POLH: variants seen among roughly 807,000 people sequenced by gnomAD.
POLH encodes DNA polymerase eta transcript.
In POLH, 53 loss-of-function variants were observed where a neutral mutation model predicts 73.6. That is an observed-to-expected ratio of 0.72 (90% CI 0.58 to 0.91). The LOEUF is 0.91. Ranked by LOEUF, POLH falls within the 40% of genes least tolerant of loss-of-function variation. The pLI, the probability that POLH is intolerant of heterozygous loss-of-function variation, is 0.00. For missense variants in POLH, 768 were observed against 865.4 expected, an observed-to-expected ratio of 0.89 and a Z score of 1.41; for synonymous variants, 292 against 308.5, an observed-to-expected ratio of 0.95 and a Z score of 0.56.
At chr6:43,582,213 C>T (rs1160948853) in intron 1 of POLH, 103 bp from the exon 2 acceptor site, 10 of 1,055,662 alleles carry the variant, frequency 9.5e-6, no homozygotes, top group Non-Finnish European at 1.3e-5. Context: ...TTTCCATGCT[C>T]CCATGCTCAT....
In POLH at chr6:43,613,964, T is replaced by C; in HGVS notation, c.1549T>C (p.Ser517Pro). ...APMSNSPSKPSLPFQTSQSTG... is the reference protein window; with the variant it reads ...APMSNSPSKPPLPFQTSQSTG... The stretch of plus-strand genomic sequence containing the variant: ...CATGAGCAATTCACCATCCAAGCCC[T>C]CATTACCTTTTCAAACCAGTCAAAG... Residue 517 changes from serine (S) to proline (P), a missense_variant, in exon 11 of 11, where the codon TCA becomes CCA. By Grantham distance (74) the Ser-to-Pro change is moderately conservative (BLOSUM62 -1). Coordinates refer to ENST00000372236, the MANE Select transcript of POLH (RefSeq NM_006502.3). 6.2e-7 allele frequency: 1 copy of C among 1,614,056 alleles called. No individual in the cohort carries two copies. Among genetic ancestry groups the C allele is most frequent in the Non-Finnish European group, 8.5e-7 (1 of 1,180,034 alleles).
chr6:43,583,783 T>C (rs749126402), intron 3 of POLH, among the ~76,000 whole-genome samples: 6 of 152,212 alleles, frequency 3.9e-5, no homozygotes, highest in Non-Finnish European at 8.8e-5. Flanking sequence ...AGGTAGGTAC[T>C]AATATTACTC....
intron 8 of POLH, 125 bp downstream of exon 8, chr6:43,604,863 T>C (rs1295797930): frequency 2.0e-6 from 2 of 984,164 alleles, no homozygotes; most frequent in Non-Finnish European, 3.2e-6. Context: ...ACAGATGTTC[T>C]GTCCTTGGGT....
chr6:43,581,311 A>G (rs1453419919), intron 1 of POLH, among the ~76,000 whole-genome samples: 1 of 139,996 alleles, frequency 7.1e-6, no homozygotes, highest in South Asian at 2.4e-4. Context: ...GCGGGCAGAG[A>G]CGCTCCTCAC....
At chr6:43,595,594 C>G (rs991411294) in intron 4 of POLH, among the ~76,000 whole-genome samples, 26 of 151,650 alleles carry the variant, frequency 1.7e-4, no homozygotes, top group African/African-American at 5.8e-4. Flanking sequence ...AAAAAAAATA[C>G]AAAAAAATTA....
At chr6:43,587,224 A>G (rs1427544834) in intron 3 of POLH, 48 bp from the exon 4 acceptor site, 1 of 1,378,314 alleles carries the variant, frequency 7.3e-7, no homozygotes, top group East Asian at 2.3e-5. Context: ...GACAATCTCA[A>G]GGTTGCCTCT....
chr6:43,597,975 C>T (rs903457801), intron 5 of POLH, 110 bp downstream of exon 5: 9 of 937,420 alleles, frequency 9.6e-6, no homozygotes, highest in Middle Eastern at 2.6e-4. Context: ...CAGTTTCGCA[C>T]GCCTATGTGA....
At chr6:43,593,878 C>CAAAAAAAAAA (rs768129925) in intron 4 of POLH, among the ~76,000 whole-genome samples, 7 of 85,154 alleles carry the variant, frequency 8.2e-5, no homozygotes, top group African/African-American at 2.3e-4. Flanking sequence ...GACTCCGTCT[C>CAAAAAAAAAA]AAAAAAAAAA....
At chr6:43,590,370 A>G (rs1313110961) in intron 4 of POLH, among the ~76,000 whole-genome samples, 1 of 151,338 alleles carries the variant, frequency 6.6e-6, no homozygotes, top group East Asian at 1.9e-4. Context: ...AAAAAAAAAA[A>G]CAAAAAACTT....
At chr6:43,580,822 C>T (rs1192990381) in intron 1 of POLH, among the ~76,000 whole-genome samples, 1 of 140,780 alleles carries the variant, frequency 7.1e-6, no homozygotes, top group Non-Finnish European at 1.6e-5. Flanking sequence ...GGGCTCCTCA[C>T]TTCCCAGTAG....
chr6:43,588,024 C>G (rs1582280266), intron 4 of POLH, among the ~76,000 whole-genome samples: 2 of 152,290 alleles, frequency 1.3e-5, no homozygotes, highest in African/African-American at 4.8e-5. Context: ...CAGAGGGAGA[C>G]TCCGTCTCAA....
chr6:43,605,616 A>G (rs1767202480), intron 9 of POLH, among the ~76,000 whole-genome samples: 1 of 151,354 alleles, frequency 6.6e-6, no homozygotes, highest in African/African-American at 2.4e-5. Context: ...AACTGGCTAA[A>G]TTTTTTTATT....
At chr6:43,602,221 C>G (rs1766813669) in intron 6 of POLH, among the ~76,000 whole-genome samples, 1 of 152,156 alleles carries the variant, frequency 6.6e-6, no homozygotes, top group Non-Finnish European at 1.5e-5. Flanking sequence ...TGAATTTCAG[C>G]TCTCAAAGTA....
chr6:43,603,423 C>G (rs1582307285), intron 6 of POLH, among the ~76,000 whole-genome samples: 2 of 152,042 alleles, frequency 1.3e-5, no homozygotes, highest in East Asian at 3.9e-4. Flanking sequence ...AGCCACTGCA[C>G]CTGGCCTTAA....
chr6:43,604,390 A>T (rs961457487), intron 7 of POLH, among the ~76,000 whole-genome samples: 2 of 152,220 alleles, frequency 1.3e-5, no homozygotes, highest in African/African-American at 4.8e-5. Context: ...ACAAATGATG[A>T]CTTGGCTTTA....
intron 10 of POLH, among the ~76,000 whole-genome samples, chr6:43,613,358 T>G (rs1173119902): frequency 6.6e-6 from 1 of 152,176 alleles, no homozygotes; most frequent in African/African-American, 2.4e-5. Context: ...TAAAAAACAA[T>G]AATCTCTAGC....
chr6:43,585,637 C>CTTTTTTTTTTTTTTTTT lies in POLH; in HGVS notation c.273-1634_273-1618dup, dbSNP rs1208848737. ...GTATGAGTATATTGCTCTTTCTTTT[C>CTTTTTTTTTTTTTTTTT]TTTTTTTTTTTTTTTTTGTGGGTGG... On this transcript the variant is annotated intron_variant, in intron 3 of 10. Transcript: ENST00000372236. 1.9e-3 allele frequency among the ~76,000 whole-genome samples: 209 copies of CTTTTTTTTTTTTTTTTT among 107,424 alleles called. 3 individuals are homozygous for CTTTTTTTTTTTTTTTTT. The highest frequency in any genetic ancestry group is 0.011 in the African/African-American group (196 of 18,448). 70.5% of individuals were successfully genotyped at this position (107,424 alleles called of 152,430 possible). A position where few individuals can be genotyped will look rare whatever the true frequency, so the allele number is the denominator to read the frequency against.
rs1386625979 is a variant in POLH, at chr6:43,615,250, C to CGA, written c.*696_*697dup. On this transcript the variant is annotated 3_prime_UTR_variant, in exon 11 of 11. Coordinates refer to ENST00000372236, the MANE Select transcript of POLH (RefSeq NM_006502.3). ...GTGCGCTCCAGCCTGGGCAACAGAG[C>CGA]GAGACTTCATCTCAGAAAATAAAAA... The CGA allele has an allele frequency of 6.6e-6, 1 of 152,058 alleles. No homozygotes were observed. The highest frequency in any genetic ancestry group is 1.9e-4 in the East Asian group (1 of 5,170). 9.4% of individuals were successfully genotyped at this position (152,058 alleles called of 1,614,324 possible).
Position 43,582,446 on chromosome 6 carries a change from A to T in POLH, c.127A>T (p.Lys43Ter), listed in dbSNP as rs750532920. 6.2e-7 allele frequency: 1 copy of T among 1,613,838 alleles called. No homozygotes were observed. Among genetic ancestry groups the T allele is most frequent in the African/African-American group, 1.3e-5 (1 of 75,018 alleles). Residue 43 changes from lysine to a stop codon, truncating the protein, a stop_gained, in exon 2 of 11, where the codon AAG becomes TAG. Coordinates refer to ENST00000372236, the MANE Select transcript of POLH (RefSeq NM_006502.3). LOFTEE classifies it high-confidence loss of function. The part of the protein sequence containing the change: ...PCAVVQYKSW[K>*]GGGIIAVSYE... ...TGCAGTTGTACAGTACAAATCATGG[A>T]AGGGTGGTGGGTATGTATCATTGTT...
Sources: gnomAD v4.1 joint callset for allele counts (sites outside exome capture counted in the v4.1 genomes callset) on GRCh38, gnomAD v4.1.1 for gene constraint, MANE v1.5 for transcripts, NCBI Gene and HGNC (gene_info 2026-07-23, HGNC 2026-07-21) for gene names.